Variants in CPT1B observed in about 807,000 individuals in gnomAD.
The protein encoded by CPT1B is carnitine palmitoyltransferase 1B, also known as carnitine O-palmitoyltransferase 1, muscle isoform.
Under a neutral mutation model 92.7 loss-of-function variants are expected in CPT1B, and 57 were observed. The observed-to-expected ratio is 0.62, with a 90% confidence interval of 0.50 to 0.77. The LOEUF (loss-of-function observed/expected upper bound fraction) is 0.77, where lower values mean the gene tolerates loss of function less well. CPT1B is among the 30% of genes least tolerant of loss of function. The pLI is 0.00. For synonymous variants in CPT1B, 398 were observed against 383.5 expected (o/e 1.04, Z -0.44); for missense variants, 983 against 1,017.4 (o/e 0.97, Z 0.46).
At chr22:50,572,168 G>A (rs2070209552) in intron 12 of CPT1B, 35 bp downstream of exon 12, 2 of 1,611,146 alleles carry the variant, frequency 1.2e-6, no homozygotes. Flanking sequence ...ATCCCCTACA[G>A]CCTGCCCTGC....
In CPT1B at chr22:50,576,348, T is replaced by C. The variant is rs547042166; in HGVS notation, c.562-13A>G. 1.9e-6 allele frequency: 3 copies of C among 1,613,956 alleles called. No individual in the cohort carries two copies. Among genetic ancestry groups the C allele is most frequent in the Admixed American group, 3.3e-5 (2 of 60,002 alleles). On this transcript the variant is annotated splice_polypyrimidine_tract_variant and intron_variant, in intron 5 of 19. Coordinates refer to ENST00000312108, the MANE Select transcript of CPT1B (RefSeq NM_152246.3). ...CAGACTCTAGGTACTGTCCAGCCAG[T>C]TATCATCACCGTGGGGCCAGATGGC...
At chr22:50,574,791 A>C in intron 7 of CPT1B, 191 bp from the exon 8 acceptor site, 1 of 584,138 alleles carries the variant, frequency 1.7e-6, no homozygotes. Flanking sequence ...CTCCAGCTTC[A>C]GCCTGAGCTG....
intron 1 of CPT1B, 194 bp downstream of exon 1, chr22:50,578,192 G>C (rs1443034034): frequency 1.3e-5 from 2 of 158,426 alleles, no homozygotes; most frequent in South Asian, 2.0e-4. Flanking sequence ...GGGCAGCCTG[G>C]AGTTGGGGGG....
At position 50,577,791 on chromosome 22, in the gene CPT1B, C is replaced by T. The variant is rs1319832327; in HGVS notation, c.125G>A (p.Arg42His). The T allele has an allele frequency of 1.2e-6, 2 of 1,613,822 alleles. No individual in the cohort carries two copies. The highest frequency in any genetic ancestry group is 1.7e-4 in the Middle Eastern group (1 of 6,060). Reference protein sequence around the residue: ...YLSGINSWKKRLIRIKNGILR... With the variant: ...YLSGINSWKKHLIRIKNGILR... ...TGTGCGCACCTTGATGCGGATCAGGCGTTTCTTCCAGGAGTTGATCCCAGA... is the reference window on the plus strand; with the variant it reads ...TGTGCGCACCTTGATGCGGATCAGGTGTTTCTTCCAGGAGTTGATCCCAGA... Residue 42 changes from arginine to histidine, a missense_variant, in exon 2 of 20, where the codon CGC becomes CAC. Arg to His is a conservative substitution (Grantham distance 29). Coordinates refer to ENST00000312108, the MANE Select transcript of CPT1B (RefSeq NM_152246.3).
chr22:50,574,242 C>A lies in CPT1B; in HGVS notation c.970+93G>T. 3.1e-6 allele frequency: 3 copies of A among 967,310 alleles called. 1 individual carries two copies. The highest frequency in any genetic ancestry group is 1.4e-5 in the South Asian group (1 of 71,238). The allele number at this position is 967,310 out of a possible 1,614,324, so 59.9% of individuals were successfully genotyped here. A position where few individuals can be genotyped will look rare whatever the true frequency, so the allele number is the denominator to read the frequency against. On this transcript the variant is annotated intron_variant, in intron 9 of 19. Coordinates refer to ENST00000312108, the MANE Select transcript of CPT1B (RefSeq NM_152246.3). ...TTGACTACTGTTCACAGTTTCAGGA[C>A]CCTGAGACACTGGGGACGCTTGGTG...
intron 13 of CPT1B, 197 bp from the exon 14 acceptor site, chr22:50,571,736 G>A (rs1011698593): frequency 1.5e-6 from 1 of 665,610 alleles, no homozygotes; most frequent in African/African-American, 1.8e-5. Flanking sequence ...GGGTAAGAGG[G>A]AAGTGCTGAA....
intron 11 of CPT1B, 136 bp from the exon 12 acceptor site, chr22:50,572,444 A>G (rs2070224666): frequency 1.6e-6 from 1 of 637,120 alleles, no homozygotes; most frequent in African/African-American, 1.8e-5. Context: ...TTAAATTGAG[A>G]TGGAATCTTG....
At chr22:50,571,902 C>T in intron 13 of CPT1B, 104 bp downstream of exon 13, 1 of 1,098,984 alleles carries the variant, frequency 9.1e-7, no homozygotes, top group Non-Finnish European at 1.4e-6. Flanking sequence ...AGGGCTGGGC[C>T]AGGCAGTGAG....
Position 50,570,411 on chromosome 22 carries a change from A to G in CPT1B, c.2029-5T>C. 1.3e-6 allele frequency: 2 copies of G among 1,585,628 alleles called. No homozygotes were observed. The highest frequency in any genetic ancestry group is 2.7e-5 in the African/African-American group (2 of 74,212). On this transcript the variant is annotated splice_polypyrimidine_tract_variant and splice_region_variant and intron_variant, in intron 16 of 19. Coordinates refer to ENST00000312108, the MANE Select transcript of CPT1B (RefSeq NM_152246.3). ...ACGCCAGGGTTCCGAGAGCACCTGCAATGGAGGCCACAGCTGGTCAGAGGC... is the reference window on the plus strand; with the variant it reads ...ACGCCAGGGTTCCGAGAGCACCTGCGATGGAGGCCACAGCTGGTCAGAGGC...
At position 50,573,755 on chromosome 22, in the gene CPT1B, A is replaced by C; in HGVS notation, c.971-40T>G. The C allele has an allele frequency of 6.3e-7, 1 of 1,581,866 alleles. No homozygotes were observed. The highest frequency in any genetic ancestry group is 8.6e-7 in the Non-Finnish European group (1 of 1,159,582). The stretch of plus-strand genomic sequence containing the variant: ...ACGGGCAAGCTGAGGCGGGGCCCCC[A>C]GCTACATCCTGGGAAGGGCCCACCT... On this transcript the variant is annotated intron_variant, in intron 9 of 19. Coordinates refer to ENST00000312108, the MANE Select transcript of CPT1B (RefSeq NM_152246.3). The surrounding 1 kb of genome is among the most constrained non-coding windows in gnomAD (Gnocchi z 5.0).
In CPT1B at chr22:50,572,216, C is replaced by T; in HGVS notation, c.1445G>A (p.Gly482Glu). The change falls in exon 12 of 20, where the codon GGG becomes GAG. Residue 482 changes from glycine (G) to glutamate (E), a missense_variant. Physicochemically the swap from Gly to Glu is moderately conservative, Grantham distance 98 (BLOSUM62 -2). Coordinates refer to ENST00000312108, the MANE Select transcript of CPT1B (RefSeq NM_152246.3). ...EHAWADAPIIGHLWEFVLGTD... is the reference protein window; with the variant it reads ...EHAWADAPIIEHLWEFVLGTD... ...CAAGGCTATTACCTCCCAGAGGTGC[C>T]CAATGATGGGAGCATCTGCCCACGC... 1 of 1,613,282 alleles carries T rather than the reference C, an allele frequency of 6.2e-7. No homozygotes were observed. Among genetic ancestry groups the T allele is most frequent in the Non-Finnish European group, 8.5e-7 (1 of 1,179,284 alleles).
intron 7 of CPT1B, 33 bp from the exon 8 acceptor site, chr22:50,574,633 C>A: frequency 6.3e-7 from 1 of 1,588,058 alleles, no homozygotes; most frequent in Non-Finnish European, 8.6e-7. Flanking sequence ...GGGTGGGGGC[C>A]TCTGTCTGGG....
chr22:50,576,446 A>C, intron 5 of CPT1B, 90 bp downstream of exon 5: 1 of 1,603,280 alleles, frequency 6.2e-7, no homozygotes, highest in South Asian at 1.1e-5. Context: ...CAAGCCCTTA[A>C]GGCCACTCTT....
In CPT1B at chr22:50,573,239, T is replaced by C. The variant is rs2070269514; in HGVS notation, c.1167-179A>G. On this transcript the variant is annotated intron_variant, in intron 10 of 19. Coordinates refer to ENST00000312108, the MANE Select transcript of CPT1B (RefSeq NM_152246.3). The surrounding 1 kb of genome is among the most constrained non-coding windows in gnomAD (Gnocchi z 5.0). Reference sequence around the variant, plus strand: ...CTGGGCCTGGAGGTGTTGGGGTGCGTGCCAGGCTGCGCCTGGAGGTGGGGG... The same window carrying C: ...CTGGGCCTGGAGGTGTTGGGGTGCGCGCCAGGCTGCGCCTGGAGGTGGGGG... 3.0e-6 allele frequency: 1 copy of C among 333,258 alleles called. No individual in the cohort carries two copies. The highest frequency in any genetic ancestry group is 5.4e-5 in the Admixed American group (1 of 18,354). The allele number at this position is 333,258 out of a possible 1,614,324, so 20.6% of individuals were successfully genotyped here.
At position 50,577,473 on chromosome 22, in the gene CPT1B, G is replaced by A. The variant is rs376085986; in HGVS notation, c.142-10C>T. 5.0e-6 allele frequency: 8 copies of A among 1,613,160 alleles called. No individual in the cohort carries two copies. Among genetic ancestry groups the A allele is most frequent in the East Asian group, 4.5e-5 (2 of 44,888 alleles). ...CCCTGAGGATGCCATTCTGTGGGCA[G>A]AAACAGGCGCCCTTATGGAGCCGGA... On this transcript the variant is annotated splice_polypyrimidine_tract_variant and intron_variant, in intron 2 of 19. Coordinates refer to ENST00000312108, the MANE Select transcript of CPT1B (RefSeq NM_152246.3).
chr22:50,569,063 A>C lies in CPT1B; in HGVS notation c.*21T>G. On this transcript the variant is annotated 3_prime_UTR_variant, in exon 20 of 20. Coordinates refer to ENST00000312108, the MANE Select transcript of CPT1B (RefSeq NM_152246.3). ...GGGAGGGCCTCCGAGTTCCCAAACA[A>C]AACACAGGTACCTAAGGGCTGAGAG... is the stretch of plus-strand genomic sequence containing the variant. 2.9e-6 allele frequency: 1 copy of C among 348,676 alleles called. No individual in the cohort carries two copies. Among genetic ancestry groups the C allele is most frequent in the Non-Finnish European group, 5.3e-6 (1 of 188,994 alleles). The allele number at this position is 348,676 out of a possible 1,614,324, so 21.6% of individuals were successfully genotyped here.
At position 50,572,284 on chromosome 22, in the gene CPT1B, G is replaced by T. The variant is rs149999532; in HGVS notation, c.1377C>A (p.Leu459=). 5.6e-6 allele frequency: 9 copies of T among 1,613,626 alleles called. No homozygotes were observed. Among genetic ancestry groups the T allele is most frequent in the Non-Finnish European group, 7.6e-6 (9 of 1,179,780 alleles). The change falls in exon 12 of 20, where the codon CTC becomes CTA. Residue 459 remains leucine (L), a synonymous_variant. Transcript: ENST00000312108. The stretch of plus-strand genomic sequence containing the variant: ...CCAACTGGCCATTCTTGAAGGAAAT[G>T]AGAGTGAAGGATTTGTCAAACCACC... ...YNRWFDKSFT[L]ISFKNGQLGL...
chr22:50,577,520 G>C, intron 2 of CPT1B, 57 bp from the exon 3 acceptor site: 1 of 1,598,930 alleles, frequency 6.3e-7, no homozygotes, highest in Admixed American at 1.7e-5. Flanking sequence ...TAGCCTGCCT[G>C]TGAAGTCTTG....
In CPT1B at chr22:50,570,399, G is replaced by A. The variant is rs759641884; in HGVS notation, c.2036C>T (p.Ser679Leu). The A allele has an allele frequency of 6.3e-6, 10 of 1,594,328 alleles. No individual in the cohort carries two copies. Among genetic ancestry groups the A allele is most frequent in the South Asian group, 3.4e-5 (3 of 88,542 alleles). The part of the protein sequence containing the change: ...VSSPFLAEVL[S>L]EPWRLSTSQI... ...GCTGGTGGAGAGACGCCAGGGTTCC[G>A]AGAGCACCTGCAATGGAGGCCACAG... is the stretch of plus-strand genomic sequence containing the variant. The change falls in exon 17 of 20, where the codon TCG (serine) becomes TTG (leucine). Residue 679 changes from serine (S) to leucine (L), a missense_variant. Physicochemically the swap from Ser to Leu is moderately radical, Grantham distance 145. Transcript: ENST00000312108.
Sources: allele counts gnomAD v4.1 joint callset, GRCh38; gene constraint gnomAD v4.1.1; non-coding constraint Gnocchi (gnomAD v3.1); transcripts MANE v1.5; gene names NCBI Gene and HGNC (gene_info 2026-07-23, HGNC 2026-07-21).